The following CABP1 variants were observed in gnomAD, a reference collection of about 807,000 sequenced individuals.
The protein encoded by CABP1 is calcium-binding protein 1.
A neutral mutation model predicts 34.3 loss-of-function variants in CABP1; 17 were observed. That is an observed-to-expected ratio of 0.50 (90% CI 0.34 to 0.74). CABP1 has a LOEUF of 0.74. CABP1 is among the 30% of genes least tolerant of loss of function. CABP1 has a pLI of 0.01. For synonymous variants in CABP1, 198 were observed against 229.2 expected, an observed-to-expected ratio of 0.86 and a Z score of 1.23; for missense variants, 373 against 511.1, an observed-to-expected ratio of 0.73 and a Z score of 2.61.
In CABP1 at chr12:120,640,746, G is replaced by A. The variant is rs1430612975; in HGVS notation, c.61G>A (p.Val21Ile). ...RPGDGARLQR[V>I]LGLGSRREPR... ...GGGGGACGGCGCCCGCCTCCAGCGC[G>A]TCCTCGGGCTTGGCTCCCGCCGGGA... The change falls in exon 1 of 6, where the codon GTC becomes ATC. Residue 21 changes from valine (V) to isoleucine (I), a missense_variant. Physicochemically the swap from Val to Ile is conservative, Grantham distance 29. Transcript: ENST00000316803. The surrounding 1 kb of genome is among the most constrained non-coding windows in gnomAD (Gnocchi z 6.2). 4.2e-6 allele frequency: 5 copies of A among 1,178,180 alleles called. No individual in the cohort carries two copies. Among genetic ancestry groups the A allele is most frequent in the Non-Finnish European group, 5.2e-6 (5 of 953,898 alleles). The allele number at this position is 1,178,180 out of a possible 1,614,324, so 73.0% of individuals were successfully genotyped here. A position where few individuals can be genotyped will look rare whatever the true frequency, so the allele number is the denominator to read the frequency against.
the CABP1 span, among the ~76,000 whole-genome samples, chr12:120,676,902 G>A: frequency 0.065 from 9,822 of 152,110 alleles, 373 homozygotes; most frequent in Admixed American, 0.12. Flanking sequence ...CTCAACAATT[G>A]TGTCCTTAAC....
downstream of CABP1, among the ~76,000 whole-genome samples, chr12:120,668,161 T>C (rs1044417606): frequency 3.3e-5 from 5 of 151,900 alleles, no homozygotes; most frequent in Non-Finnish European, 5.9e-5. Context: ...AGGGTTTTGC[T>C]CTGGAGGAAG....
At chr12:120,671,888 G>A (rs1214332777), downstream of CABP1, among the ~76,000 whole-genome samples, 1 of 152,082 alleles carries the variant, frequency 6.6e-6, no homozygotes. Flanking sequence ...GCAACATAGT[G>A]AGACCTCATC....
intron 1 of CABP1, 170 bp from the exon 2 acceptor site, chr12:120,659,708 G>C: frequency 1.7e-6 from 1 of 596,210 alleles, no homozygotes; most frequent in Non-Finnish European, 3.0e-6. Context: ...ATGTCTAAGG[G>C]AGATGTGGGG....
rs1356826974 is a variant in CABP1 at position 120,640,644 on chromosome 12, G to T, written c.-42G>T. On this transcript the variant is annotated 5_prime_UTR_variant, in exon 1 of 6. Transcript: ENST00000316803. This position sits in a 1 kb window ranked among gnomAD's most constrained non-coding sequence, Gnocchi z 6.2. Reference sequence around the variant, plus strand: ...CGCCCCCAGATCTGCACCGCCAGCCGCCGGGAGCTCCGGGCTCCGGGCGTA... The same window carrying T: ...CGCCCCCAGATCTGCACCGCCAGCCTCCGGGAGCTCCGGGCTCCGGGCGTA... 2 of 1,145,904 alleles carry T rather than the reference G, an allele frequency of 1.7e-6. No homozygotes were observed. Among genetic ancestry groups the T allele is most frequent in the East Asian group, 4.1e-5 (1 of 24,434 alleles). The allele number at this position is 1,145,904 out of a possible 1,614,324, so 71.0% of individuals were successfully genotyped here.
At chr12:120,663,261 GTTAT>G (rs150864781) in intron 5 of CABP1, among the ~76,000 whole-genome samples, 61,552 of 150,570 alleles carry the variant, frequency 0.41, 12,988 homozygotes, top group Middle Eastern at 0.51. Context: ...TCAGTGAAAG[GTTAT>G]TTATTTATTT....
intron 1 of CABP1, among the ~76,000 whole-genome samples, chr12:120,651,017 G>C (rs1274742738): frequency 1.3e-5 from 2 of 152,092 alleles, no homozygotes; most frequent in Non-Finnish European, 2.9e-5. Context: ...TCATTCAAGG[G>C]ACTGGCCAAG....
At chr12:120,666,805 G>A (rs1881020832) in intron 5 of CABP1, 70 bp from the exon 6 acceptor site, 2 of 1,533,462 alleles carry the variant, frequency 1.3e-6, no homozygotes, top group Non-Finnish European at 1.8e-6. Flanking sequence ...ACAGGGTGGG[G>A]TCTGAAGGCA....
In CABP1 at chr12:120,661,026, A is replaced by G. The variant is rs760666044; in HGVS notation, c.940-45A>G. 1 of 1,595,470 alleles carries G rather than the reference A, an allele frequency of 6.3e-7. No individual in the cohort carries two copies. The highest frequency in any genetic ancestry group is 8.5e-7 in the Non-Finnish European group (1 of 1,170,298). On this transcript the variant is annotated intron_variant, in intron 4 of 5. Coordinates refer to ENST00000316803, the MANE Select transcript of CABP1 (RefSeq NM_001033677.2). The surrounding 1 kb of genome is among the most constrained non-coding windows in gnomAD (Gnocchi z 5.1). ...TCAACTTTGGGATCTGCTGCTGCCA[A>G]TCGCCATGCTGGGGCGACCTCTCCT...
At chr12:120,643,834 C>T (rs1879442279) in intron 1 of CABP1, among the ~76,000 whole-genome samples, 1 of 152,222 alleles carries the variant, frequency 6.6e-6, no homozygotes, top group African/African-American at 2.4e-5. Flanking sequence ...GGCACGGAGC[C>T]CTTGCTAACT....
chr12:120,659,928 G>GCTTT lies in CABP1; in HGVS notation c.685+20_685+21insCTTT. 1.2e-6 allele frequency: 2 copies of GCTTT among 1,612,856 alleles called. No individual in the cohort carries two copies. The highest frequency in any genetic ancestry group is 1.7e-6 in the Non-Finnish European group (2 of 1,179,058). ...TTGAAGGTAAAACTTGGCCCCTTGG[G>GCTTT]GGAAAGGACTGCCTAGCCCTCTAGG... is the stretch of plus-strand genomic sequence containing the variant. On this transcript the variant is annotated intron_variant, in intron 2 of 5. Transcript: ENST00000316803.
intron 5 of CABP1, among the ~76,000 whole-genome samples, chr12:120,664,882 A>G (rs1027515719): frequency 1.3e-5 from 2 of 149,398 alleles, no homozygotes; most frequent in South Asian, 2.1e-4. Context: ...CTCAAAAAGA[A>G]AAAAAAAAAA....
At chr12:120,655,649 T>G in intron 1 of CABP1, 1 of 1,401,546 alleles carries the variant, frequency 7.1e-7, no homozygotes, top group Non-Finnish European at 9.3e-7. Context: ...CTGGGAGGAA[T>G]GACTTAGCCC....
At chr12:120,669,644 T>C (rs1784588011), downstream of CABP1, among the ~76,000 whole-genome samples, 1 of 152,026 alleles carries the variant, frequency 6.6e-6, no homozygotes, top group Admixed American at 6.6e-5. Flanking sequence ...ATCTCAGCTA[T>C]TAGGGAGTCT....
intron 1 of CABP1, chr12:120,655,737 C>T (rs1880138199): frequency 6.9e-7 from 1 of 1,458,946 alleles, no homozygotes; most frequent in East Asian, 2.5e-5. Flanking sequence ...TGAACACTTC[C>T]CATTGGTGAG....
chr12:120,642,995 GAAAAA>G lies in CABP1; in HGVS notation c.654+1669_654+1673del, dbSNP rs55874841. 2.8e-3 allele frequency among the ~76,000 whole-genome samples: 197 copies of G among 69,506 alleles called. 5 individuals are homozygous for G. In the East Asian group the frequency reaches 0.058, roughly 20 times the overall value. 45.6% of individuals were successfully genotyped at this position (69,506 alleles called of 152,430 possible). ...TTGCAGCTGATCTGACTCAGCTCCTGAAAAAAAAAAAAAAAAAGAGTCCTTTCTTT... is the reference window on the plus strand; with the variant it reads ...TTGCAGCTGATCTGACTCAGCTCCTGAAAAAAAAAAAAGAGTCCTTTCTTT... On this transcript the variant is annotated intron_variant, in intron 1 of 5. Transcript: ENST00000316803.
At position 120,660,050 on chromosome 12, in the gene CABP1, T is replaced by C. The variant is rs2137361196; in HGVS notation, c.685+142T>C. On this transcript the variant is annotated intron_variant, in intron 2 of 5. Coordinates refer to ENST00000316803, the MANE Select transcript of CABP1 (RefSeq NM_001033677.2). This position sits in a 1 kb window ranked among gnomAD's most constrained non-coding sequence, Gnocchi z 5.0. ...TCTGTGAAACCAGCTGCTGAAGGTG[T>C]GCACAGGAGGCAAGAGAAATGCCCC... The C allele has an allele frequency of 3.9e-6, 5 of 1,290,036 alleles. No homozygotes were observed. Among genetic ancestry groups the C allele is most frequent in the Non-Finnish European group, 5.5e-6 (5 of 915,632 alleles). 79.9% of individuals were successfully genotyped at this position (1,290,036 alleles called of 1,614,324 possible). A position where few individuals can be genotyped will look rare whatever the true frequency, so the allele number is the denominator to read the frequency against.
intron 1 of CABP1, among the ~76,000 whole-genome samples, chr12:120,642,722 G>T (rs769769842): frequency 2.0e-5 from 3 of 152,180 alleles, no homozygotes; most frequent in Non-Finnish European, 4.4e-5. Context: ...TTGGATTGGG[G>T]CTGGGTTGCA....
intron 1 of CABP1, among the ~76,000 whole-genome samples, chr12:120,658,088 CTTTTTTT>C (rs140287793): frequency 1.2e-5 from 1 of 86,212 alleles, no homozygotes; most frequent in South Asian, 4.8e-4. Context: ...CCATCACCAG[CTTTTTTT>C]TTTTTTTTTT....
Sources: allele counts gnomAD v4.1 joint callset (sites outside exome capture counted in the v4.1 genomes callset), GRCh38; gene constraint gnomAD v4.1.1; non-coding constraint Gnocchi (gnomAD v3.1); transcripts MANE v1.5; gene names NCBI Gene and HGNC (gene_info 2026-07-23, HGNC 2026-07-21).